LRRC4C: variants seen among roughly 807,000 people sequenced by gnomAD.
The protein encoded by LRRC4C is leucine rich repeat containing 4C, also known as leucine-rich repeat-containing protein 4C.
A neutral mutation model predicts 33.6 loss-of-function variants in LRRC4C; 5 were observed. The ratio of observed to expected loss-of-function variants is 0.15; its 90% CI spans 0.08 to 0.31. The LOEUF (loss-of-function observed/expected upper bound fraction) is 0.31, where lower values mean the gene tolerates loss of function less well. Among genes scored for constraint, LRRC4C ranks in the 10% least tolerant of loss-of-function variants. LRRC4C has a pLI of 1.00. For synonymous variants in LRRC4C, 329 were observed against 302.0 expected, an observed-to-expected ratio of 1.09 and a Z score of -0.93; for missense variants, 560 against 796.7, an observed-to-expected ratio of 0.70 and a Z score of 3.58.
intron 3 of LRRC4C, among the ~76,000 whole-genome samples, chr11:40,525,627 C>A (rs1487429911): frequency 6.6e-6 from 1 of 152,114 alleles, no homozygotes; most frequent in Non-Finnish European, 1.5e-5. Context: ...GGAGGAATTA[C>A]TTTATTTATG....
chr11:40,733,470 A>G (rs1396999604), intron 2 of LRRC4C, among the ~76,000 whole-genome samples: 3 of 152,294 alleles, frequency 2.0e-5, no homozygotes, highest in Admixed American at 1.3e-4. Flanking sequence ...CAATTTTGTT[A>G]TGTTAAAAAT....
intron 3 of LRRC4C, among the ~76,000 whole-genome samples, chr11:40,459,127 C>T (rs79214329): frequency 0.041 from 6,210 of 152,208 alleles, 414 homozygotes; most frequent in African/African-American, 0.14. Context: ...TGAGTACTTT[C>T]TAATGACCTT....
chr11:40,666,283 TA>T (rs1943806746), intron 2 of LRRC4C, among the ~76,000 whole-genome samples: 1 of 152,162 alleles, frequency 6.6e-6, no homozygotes, highest in African/African-American at 2.4e-5. Context: ...TAATATTACA[TA>T]TTTTTATAGG....
intron 2 of LRRC4C, among the ~76,000 whole-genome samples, chr11:40,694,253 G>T (rs1423346809): frequency 1.3e-5 from 2 of 152,152 alleles, no homozygotes; most frequent in Non-Finnish European, 2.9e-5. Flanking sequence ...ATTAGGTCTG[G>T]AACCACTGAG....
chr11:40,322,308 C>T (rs1475345436), intron 3 of LRRC4C, among the ~76,000 whole-genome samples: 2 of 151,964 alleles, frequency 1.3e-5, no homozygotes, highest in South Asian at 2.1e-4. Flanking sequence ...TGCAGTGGTG[C>T]GATCTCAGCT....
At chr11:40,768,760 T>TA (rs1949606198) in intron 2 of LRRC4C, among the ~76,000 whole-genome samples, 2 of 152,052 alleles carry the variant, frequency 1.3e-5, no homozygotes, top group Admixed American at 6.5e-5. Flanking sequence ...CAACTGATGC[T>TA]AAAAAATCAG....
rs71060975 is a variant in LRRC4C at position 40,635,628 on chromosome 11, A to ATTT, written c.-270+12511_-270+12513dup. 4.7e-3 allele frequency among the ~76,000 whole-genome samples: 437 copies of ATTT among 92,216 alleles called. 36 individuals are homozygous for ATTT. Among genetic ancestry groups the ATTT allele is most frequent in the African/African-American group, 0.014 (341 of 24,792 alleles). The allele number at this position is 92,216 out of a possible 152,430, so 60.5% of individuals were successfully genotyped here. ...ACTCCAGAAATTGAAAAAGAACCAA[A>ATTT]TTTTTTTTTTTTTTTTTTTTTTTTT... On this transcript the variant is annotated intron_variant, in intron 3 of 6. Transcript: ENST00000528697.
intron 1 of LRRC4C, among the ~76,000 whole-genome samples, chr11:41,255,229 A>G (rs1948761915): frequency 6.6e-6 from 1 of 152,028 alleles, no homozygotes; most frequent in Admixed American, 6.6e-5. Context: ...TGTTTTCTGA[A>G]TTATATTCCT....
intron 3 of LRRC4C, among the ~76,000 whole-genome samples, chr11:40,371,908 T>C (rs775359817): frequency 2.0e-5 from 3 of 152,170 alleles, no homozygotes; most frequent in African/African-American, 4.8e-5. Flanking sequence ...CAATTAGGTA[T>C]GTAGGTAGAT....
At chr11:40,925,155 T>G (rs1183988440) in intron 2 of LRRC4C, among the ~76,000 whole-genome samples, 4 of 147,392 alleles carry the variant, frequency 2.7e-5, no homozygotes, top group African/African-American at 9.8e-5. Flanking sequence ...CTTTCCTGTG[T>G]ATCATATTTA....
At chr11:40,874,589 T>A (rs758633522) in intron 2 of LRRC4C, among the ~76,000 whole-genome samples, 1 of 152,170 alleles carries the variant, frequency 6.6e-6, no homozygotes, top group African/African-American at 2.4e-5. Context: ...AGCACCTACC[T>A]ACCCGAAATG....
chr11:40,920,818 T>G (rs1262224432), intron 2 of LRRC4C, among the ~76,000 whole-genome samples: 1 of 152,186 alleles, frequency 6.6e-6, no homozygotes, highest in Non-Finnish European at 1.5e-5. Context: ...TTCTAGACCA[T>G]GTGACTATAT....
chr11:40,487,126 A>C (rs893348286), intron 3 of LRRC4C, among the ~76,000 whole-genome samples: 2 of 152,060 alleles, frequency 1.3e-5, no homozygotes, highest in African/African-American at 4.8e-5. Context: ...TTTAGCTACT[A>C]TCCGTGAACT....
chr11:40,715,880 C>T, intron 2 of LRRC4C, among the ~76,000 whole-genome samples: 1 of 151,930 alleles, frequency 6.6e-6, no homozygotes, highest in South Asian at 2.1e-4. Flanking sequence ...TAAAAATTAG[C>T]CCATCATGGT....
intron 1 of LRRC4C, among the ~76,000 whole-genome samples, chr11:41,343,401 T>A (rs1951701425): frequency 6.6e-6 from 1 of 151,408 alleles, no homozygotes; most frequent in South Asian, 2.1e-4. Context: ...CAGTAGCCAC[T>A]GAAAAATGTC....
intron 1 of LRRC4C, among the ~76,000 whole-genome samples, chr11:41,196,711 G>A (rs539330624): frequency 1.3e-5 from 2 of 152,164 alleles, no homozygotes; most frequent in African/African-American, 4.8e-5. Context: ...ACGGATGCAT[G>A]AATGAATGGA....
chr11:41,358,029 T>C (rs550607869), intron 1 of LRRC4C, among the ~76,000 whole-genome samples: 16 of 152,242 alleles, frequency 1.1e-4, no homozygotes, highest in African/African-American at 3.6e-4. Flanking sequence ...GTAATCAAGA[T>C]AGTGTGATAC....
intron 2 of LRRC4C, among the ~76,000 whole-genome samples, chr11:40,896,544 T>C (rs1010609491): frequency 6.6e-6 from 1 of 151,800 alleles, no homozygotes; most frequent in African/African-American, 2.4e-5. Flanking sequence ...TAGAATATTT[T>C]TTTTTTTAGA....
chr11:41,192,039 G>T (rs777505707), intron 1 of LRRC4C, among the ~76,000 whole-genome samples: 4 of 151,974 alleles, frequency 2.6e-5, no homozygotes, highest in Non-Finnish European at 5.9e-5. Flanking sequence ...CTATTCCCTT[G>T]GACCCTAGAT....
Sources: allele counts gnomAD v4.1 joint callset (sites outside exome capture counted in the v4.1 genomes callset), GRCh38; gene constraint gnomAD v4.1.1; transcripts MANE v1.5; gene names NCBI Gene and HGNC (gene_info 2026-07-23, HGNC 2026-07-21).